PCDHGA7: variants seen among roughly 807,000 people sequenced by gnomAD.
PCDHGA7 encodes the protein protocadherin gamma-A7.
In PCDHGA7, 44 loss-of-function variants were observed where a neutral mutation model predicts 58.3. The observed-to-expected ratio is 0.75, with a 90% CI of 0.59 to 0.97. PCDHGA7 has a LOEUF of 0.97. Among genes scored for constraint, PCDHGA7 ranks in the 50% least tolerant of loss-of-function variants. The pLI is 0.00. For synonymous variants in PCDHGA7, 516 were observed against 504.2 expected, an observed-to-expected ratio of 1.02 and a Z score of -0.31; for missense variants, 1,266 against 1,188.7, an observed-to-expected ratio of 1.06 and a Z score of -0.96.
At chr5:141,403,732 G>A (rs1472288445) in intron 1 of PCDHGA7, 2 of 1,613,932 alleles carry the variant, frequency 1.2e-6, no homozygotes, top group Non-Finnish European at 1.7e-6. Context: ...CAGGCACCTG[G>A]CTGCTTACTG....
chr5:141,468,348 A>C (rs962230735), intron 1 of PCDHGA7: 2 of 150,318 alleles, frequency 1.3e-5, no homozygotes, highest in African/African-American at 4.9e-5. Context: ...AAAAAAAAAA[A>C]AGAAAGAAAA....
chr5:141,433,358 CCTATCTAT>C lies in PCDHGA7; in HGVS notation c.2424+48076_2424+48083del, dbSNP rs3074541. On this transcript the variant is annotated intron_variant, in intron 1 of 3. Transcript: ENST00000518325. ...ACAGGTGCAAGCCACCTACTGTCTG[CCTATCTAT>C]CTATCTATCTATCTATCTATCTATC... is the stretch of plus-strand genomic sequence containing the variant. The C allele has an allele frequency of 7.0e-3, 3,504 of 501,060 alleles. 20 individuals carry two copies. The highest frequency in any genetic ancestry group is 7.9e-3 in the Non-Finnish European group (2,251 of 285,142). The allele number at this position is 501,060 out of a possible 1,614,324, so 31.0% of individuals were successfully genotyped here.
intron 1 of PCDHGA7, among the ~76,000 whole-genome samples, chr5:141,462,361 T>C (rs1354253099): frequency 6.6e-6 from 1 of 152,282 alleles, no homozygotes; most frequent in Non-Finnish European, 1.5e-5. Flanking sequence ...ATACATTGTA[T>C]AGTTTCTATT....
intron 1 of PCDHGA7, chr5:141,400,747 G>A: frequency 1.7e-6 from 1 of 602,780 alleles, no homozygotes; most frequent in Non-Finnish European, 2.9e-6. Flanking sequence ...TTTGCTCTTA[G>A]CTTCCTCTCT....
In PCDHGA7 at chr5:141,490,912, AATG is replaced by A; in HGVS notation, c.2425-3892_2425-3890del. 6.2e-7 allele frequency: 1 copy of A among 1,613,644 alleles called. No homozygotes were observed. Among genetic ancestry groups the A allele is most frequent in the Non-Finnish European group, 8.5e-7 (1 of 1,179,684 alleles). On this transcript the variant is annotated intron_variant, in intron 1 of 3. Transcript: ENST00000518325. This position sits in a 1 kb window ranked among gnomAD's most constrained non-coding sequence, Gnocchi z 5.4. ...TCTGCATGTGTTTGTCCTAGACGAG[AATG>A]ATAATGCCCCAGCTGTGCTGCACCC...
intron 1 of PCDHGA7, chr5:141,399,986 G>A (rs1400468651): frequency 6.2e-7 from 1 of 1,612,408 alleles, no homozygotes; most frequent in East Asian, 2.2e-5. Context: ...CTGCGCACAG[G>A]AGAGGTGCGC....
At chr5:141,503,363 G>A (rs2099819478) in intron 2 of PCDHGA7, among the ~76,000 whole-genome samples, 2 of 152,132 alleles carry the variant, frequency 1.3e-5, no homozygotes, top group East Asian at 1.9e-4. Context: ...TTGGGAAGCG[G>A]AGGCAGGTGG....
At chr5:141,434,035 T>C (rs2154556047) in intron 1 of PCDHGA7, among the ~76,000 whole-genome samples, 1 of 152,316 alleles carries the variant, frequency 6.6e-6, no homozygotes, top group Non-Finnish European at 1.5e-5. Flanking sequence ...AAGCATGGTT[T>C]TCTATTTTAT....
rs367744321 is a variant in PCDHGA7, at chr5:141,489,394, C to G, written c.2425-5413C>G. The G allele has an allele frequency of 3.7e-6, 6 of 1,614,008 alleles. No individual in the cohort carries two copies. In the African/African-American group the frequency reaches 6.7e-5, roughly 18 times the overall value. On this transcript the variant is annotated intron_variant, in intron 1 of 3. Transcript: ENST00000518325. The surrounding 1 kb of genome is among the most constrained non-coding windows in gnomAD (Gnocchi z 4.5). ...GCTGGTGGGGAATGTTGCTCAGGATCTGGGCTTAAAGATGACAGATCTGTT... is the reference window on the plus strand; with the variant it reads ...GCTGGTGGGGAATGTTGCTCAGGATGTGGGCTTAAAGATGACAGATCTGTT...
Position 141,490,866 on chromosome 5 carries a change from C to T in PCDHGA7, c.2425-3941C>T, listed in dbSNP as rs1408465290. The T allele has an allele frequency of 6.2e-7, 1 of 1,613,906 alleles. No homozygotes were observed. The highest frequency in any genetic ancestry group is 1.7e-5 in the Admixed American group (1 of 60,012). ...TGGGGGTTCGAGACTCCGGCTCTCC[C>T]CCATTGCATGCCAACACATCTCTGC... On this transcript the variant is annotated intron_variant, in intron 1 of 3. Coordinates refer to ENST00000518325, the MANE Select transcript of PCDHGA7 (RefSeq NM_018920.4). The surrounding 1 kb of genome is among the most constrained non-coding windows in gnomAD (Gnocchi z 5.4).
chr5:141,421,195 G>C (rs1305388921), intron 1 of PCDHGA7: 2 of 1,504,878 alleles, frequency 1.3e-6, no homozygotes, highest in Non-Finnish European at 1.8e-6. Context: ...CAACCAGCTC[G>C]AGAAACCGCG....
At chr5:141,403,770 T>A in intron 1 of PCDHGA7, 1 of 1,613,894 alleles carries the variant, frequency 6.2e-7, no homozygotes, top group Non-Finnish European at 8.5e-7. Flanking sequence ...GATGAGGGAA[T>A]CAACGGAAAA....
intron 1 of PCDHGA7, chr5:141,414,805 C>T (rs1464881022): frequency 1.2e-6 from 2 of 1,614,224 alleles, no homozygotes; most frequent in Middle Eastern, 1.6e-4. Flanking sequence ...CAGCGGGGAT[C>T]CTCCACTCAG....
chr5:141,465,520 G>C (rs2099104807), intron 1 of PCDHGA7, among the ~76,000 whole-genome samples: 1 of 152,144 alleles, frequency 6.6e-6, no homozygotes, highest in Non-Finnish European at 1.5e-5. Flanking sequence ...GAAGGATTCT[G>C]GGGAAGTTTT....
In PCDHGA7 at chr5:141,421,044, C is replaced by A. The variant is rs556562994; in HGVS notation, c.2424+35721C>A. 5.5e-6 allele frequency: 3 copies of A among 548,610 alleles called. No individual in the cohort carries two copies. In the South Asian group the frequency reaches 8.2e-5, roughly 15 times the overall value. The allele number at this position is 548,610 out of a possible 1,614,324, so 34.0% of individuals were successfully genotyped here. A position where few individuals can be genotyped will look rare whatever the true frequency, so the allele number is the denominator to read the frequency against. ...CGCGCCATTGAGTCCCTCCCTCCCCCGCCTCTACCACACAAAGCGGAATGA... is the reference window on the plus strand; with the variant it reads ...CGCGCCATTGAGTCCCTCCCTCCCCAGCCTCTACCACACAAAGCGGAATGA... On this transcript the variant is annotated intron_variant, in intron 1 of 3. Transcript: ENST00000518325.
intron 2 of PCDHGA7, among the ~76,000 whole-genome samples, chr5:141,501,334 C>T (rs1462003251): frequency 6.9e-6 from 1 of 145,376 alleles, no homozygotes; most frequent in Non-Finnish European, 1.5e-5. Context: ...CACACACACA[C>T]CCCAAACTCA....
chr5:141,393,684 T>A, intron 1 of PCDHGA7: 1 of 1,613,904 alleles, frequency 6.2e-7, no homozygotes, highest in Non-Finnish European at 8.5e-7. Flanking sequence ...ACAAACTCCG[T>A]TATTCCAGCT....
chr5:141,419,075 A>C (rs2096322774), intron 1 of PCDHGA7: 3 of 1,613,968 alleles, frequency 1.9e-6, no homozygotes, highest in South Asian at 1.1e-5. Flanking sequence ...CAAGCTAGTA[A>C]CAGATGAGGC....
intron 1 of PCDHGA7, among the ~76,000 whole-genome samples, chr5:141,448,861 C>T (rs1017826063): frequency 2.0e-5 from 3 of 152,118 alleles, no homozygotes; most frequent in African/African-American, 7.2e-5. Flanking sequence ...AGGAGAATGG[C>T]GTGAACCTGG....
Sources: gnomAD v4.1 joint callset for allele counts (sites outside exome capture counted in the v4.1 genomes callset) on GRCh38, gnomAD v4.1.1 for gene constraint, Gnocchi (gnomAD v3.1) non-coding constraint, MANE v1.5 for transcripts, NCBI Gene and HGNC (gene_info 2026-07-23, HGNC 2026-07-21) for gene names.